Variants in HMGCLL1 observed in about 807,000 individuals in gnomAD.
HMGCLL1 encodes the protein 3-hydroxymethyl-3-methylglutaryl-CoA lyase, cytoplasmic.
In HMGCLL1, 36 loss-of-function variants were observed where a neutral mutation model predicts 39.1. The ratio of observed to expected loss-of-function variants is 0.92; its 90% CI spans 0.71 to 1.22. The LOEUF (loss-of-function observed/expected upper bound fraction) is 1.22. HMGCLL1 is among the 50% of genes most tolerant of loss of function. The pLI, the probability that HMGCLL1 is intolerant of heterozygous loss-of-function variation, is 0.00. For synonymous variants in HMGCLL1, 149 were observed against 144.0 expected (o/e 1.03, Z -0.25); for missense variants, 451 against 416.5 (o/e 1.08, Z -0.72).
At chr6:55,646,122 T>C in the HMGCLL1 span, among the ~76,000 whole-genome samples, 1 of 151,928 alleles carries the variant, frequency 6.6e-6, no homozygotes, top group African/African-American at 2.4e-5. Flanking sequence ...TAAATCTTGG[T>C]AGGTTATATG....
chr6:55,654,242 A>G, the HMGCLL1 span, among the ~76,000 whole-genome samples: 1 of 151,822 alleles, frequency 6.6e-6, no homozygotes, highest in Admixed American at 6.6e-5. Flanking sequence ...GAGGACACTG[A>G]ACTGACTGAA....
intron 7 of HMGCLL1, among the ~76,000 whole-genome samples, chr6:55,468,204 T>C (rs563611501): frequency 7.8e-4 from 119 of 152,154 alleles, no homozygotes; most frequent in African/African-American, 2.7e-3. Context: ...TGTCTAACGA[T>C]GTATATTGTA....
the HMGCLL1 span, among the ~76,000 whole-genome samples, chr6:55,596,836 T>C: frequency 6.6e-6 from 1 of 152,208 alleles, no homozygotes; most frequent in South Asian, 2.1e-4. Flanking sequence ...GTTAGCATTT[T>C]ACATTTAAAA....
intron 7 of HMGCLL1, among the ~76,000 whole-genome samples, chr6:55,459,606 A>C (rs929660288): frequency 3.9e-5 from 6 of 152,102 alleles, no homozygotes; most frequent in Non-Finnish European, 8.8e-5. Flanking sequence ...AAGTCTCCCA[A>C]AACACTATTT....
At chr6:55,606,873 G>GA in the HMGCLL1 span, among the ~76,000 whole-genome samples, 1 of 151,300 alleles carries the variant, frequency 6.6e-6, no homozygotes, top group Non-Finnish European at 1.5e-5. Flanking sequence ...TAAACTCAAA[G>GA]AAAAAAATAA....
At chr6:55,544,462 C>T (rs940010656) in intron 1 of HMGCLL1, among the ~76,000 whole-genome samples, 2 of 152,132 alleles carry the variant, frequency 1.3e-5, no homozygotes, top group African/African-American at 4.8e-5. Context: ...TTGACAGAAT[C>T]AGCCCAGAAC....
At chr6:55,501,411 C>T (rs1472221447) in intron 5 of HMGCLL1, among the ~76,000 whole-genome samples, 2 of 151,848 alleles carry the variant, frequency 1.3e-5, no homozygotes, top group Non-Finnish European at 2.9e-5. Context: ...CAACAGAAAT[C>T]ATCTGACCCA....
rs1391053330 is a variant in HMGCLL1, at chr6:55,543,279, T to G, written c.109-1139A>C. On this transcript the variant is annotated intron_variant, in intron 1 of 8. Transcript: ENST00000274901. ...TATATAATATAATATATCTATATTA[T>G]ATATAATATATTATATATCATATAT... Among the ~76,000 whole-genome samples, 31 of 18,696 alleles carry G rather than the reference T, an allele frequency of 1.7e-3. 1 individual carries two copies. Among genetic ancestry groups the G allele is most frequent in the African/African-American group, 5.0e-3 (30 of 5,942 alleles). The allele number at this position is 18,696 out of a possible 152,430, so 12.3% of individuals were successfully genotyped here. A position where few individuals can be genotyped will look rare whatever the true frequency, so the allele number is the denominator to read the frequency against.
In HMGCLL1 at chr6:55,437,493, A is replaced by G. The variant is rs1581778682; in HGVS notation, c.922-1730T>C. ...AAAGCCTGACCTGAGGTTTATACAA[A>G]ATGTATAAAAGAGGATGGAGGATAT... is the stretch of plus-strand genomic sequence containing the variant. On this transcript the variant is annotated intron_variant, in intron 8 of 8. Transcript: ENST00000274901. Among the ~76,000 whole-genome samples the G allele has an allele frequency of 3.9e-5, 6 of 152,140 alleles. 1 individual carries two copies. Among genetic ancestry groups the G allele is most frequent in the Admixed American group, 3.9e-4 (6 of 15,238 alleles).
chr6:55,544,708 A>G (rs1228223019), intron 1 of HMGCLL1, among the ~76,000 whole-genome samples: 2 of 152,212 alleles, frequency 1.3e-5, no homozygotes, highest in Non-Finnish European at 2.9e-5. Flanking sequence ...ATTCTGAGCT[A>G]TCAGCAAAAG....
intron 7 of HMGCLL1, among the ~76,000 whole-genome samples, chr6:55,446,221 A>G (rs891626070): frequency 6.7e-6 from 1 of 149,626 alleles, no homozygotes; most frequent in Non-Finnish European, 1.5e-5. Flanking sequence ...TGTTTTCTAA[A>G]TTATATACAT....
chr6:55,606,894 C>G, the HMGCLL1 span, among the ~76,000 whole-genome samples: 1 of 151,768 alleles, frequency 6.6e-6, no homozygotes, highest in African/African-American at 2.4e-5. Context: ...GGAGATATCA[C>G]AGTGAAAGGG....
chr6:55,585,640 C>A, the HMGCLL1 span, among the ~76,000 whole-genome samples: 1 of 152,034 alleles, frequency 6.6e-6, no homozygotes. Flanking sequence ...TTTCTTTGCA[C>A]ATAATAACTG....
At chr6:55,499,491 A>G in intron 5 of HMGCLL1, among the ~76,000 whole-genome samples, 192 bp from the exon 6 acceptor site, 1 of 152,130 alleles carries the variant, frequency 6.6e-6, no homozygotes, top group East Asian at 1.9e-4. Flanking sequence ...TTATCTTTCT[A>G]TAATAATTAC....
the HMGCLL1 span, among the ~76,000 whole-genome samples, chr6:55,647,758 T>A: frequency 5.7e-4 from 62 of 108,530 alleles, no homozygotes; most frequent in African/African-American, 1.9e-3. Context: ...TTTTTTTTTT[T>A]ATTTTATTTT....
At chr6:55,614,387 A>C in the HMGCLL1 span, among the ~76,000 whole-genome samples, 1 of 152,148 alleles carries the variant, frequency 6.6e-6, no homozygotes, top group Non-Finnish European at 1.5e-5. Context: ...CAAATCAGGA[A>C]GAAGGCCCTC....
Position 55,439,418 on chromosome 6 carries a change from C to T in HMGCLL1, c.921+16G>A, listed in dbSNP as rs547791788. On this transcript the variant is annotated intron_variant, in intron 8 of 8. Coordinates refer to ENST00000274901, the MANE Select transcript of HMGCLL1 (RefSeq NM_001042406.2). Reference sequence around the variant, plus strand: ...CAAGGAATGCATGAATATTAAAATACGTTAAAGTAACTTACTGTATTGAGC... The same window carrying T: ...CAAGGAATGCATGAATATTAAAATATGTTAAAGTAACTTACTGTATTGAGC... 42 of 1,598,884 alleles carry T rather than the reference C, an allele frequency of 2.6e-5. No homozygotes were observed. Among genetic ancestry groups the T allele is most frequent in the Middle Eastern group, 3.3e-4 (2 of 5,972 alleles).
chr6:55,560,598 A>G (rs1334793719), intron 1 of HMGCLL1, among the ~76,000 whole-genome samples: 2 of 152,022 alleles, frequency 1.3e-5, no homozygotes, highest in East Asian at 3.9e-4. Context: ...CCTTCATTTA[A>G]TCGCCTCTTA....
chr6:55,560,091 G>C (rs1770870656), intron 1 of HMGCLL1, among the ~76,000 whole-genome samples: 1 of 152,110 alleles, frequency 6.6e-6, no homozygotes, highest in Admixed American at 6.6e-5. Flanking sequence ...CCAGAAGACA[G>C]GATTGTTCAC....
Sources: allele counts gnomAD v4.1 joint callset (sites outside exome capture counted in the v4.1 genomes callset), GRCh38; gene constraint gnomAD v4.1.1; transcripts MANE v1.5; gene names NCBI Gene and HGNC (gene_info 2026-07-23, HGNC 2026-07-21).